The following AGTPBP1 variants were observed in gnomAD, a reference collection of about 807,000 sequenced individuals.
The protein encoded by AGTPBP1 is ATP/GTP binding carboxypeptidase 1.
AGTPBP1 carries 70 observed loss-of-function variants against 143.9 expected under a neutral mutation model. The observed-to-expected ratio is 0.49, with a 90% confidence interval of 0.40 to 0.59. The LOEUF (loss-of-function observed/expected upper bound fraction) is 0.59. Among genes scored for constraint, AGTPBP1 ranks in the 20% least tolerant of loss-of-function variants. The pLI is 0.00. For missense variants in AGTPBP1, 1,229 were observed against 1,464.5 expected, an observed-to-expected ratio of 0.84 and a Z score of 2.62; for synonymous variants, 463 against 500.2, an observed-to-expected ratio of 0.93 and a Z score of 0.99.
intron 25 of AGTPBP1, among the ~76,000 whole-genome samples, chr9:85,555,228 T>C (rs372090226): frequency 4.5e-4 from 69 of 152,292 alleles, no homozygotes; most frequent in African/African-American, 1.6e-3. Flanking sequence ...TCAGCACTCA[T>C]AGCAAAATTG....
chr9:85,739,466 TGGGAGGCCGAGGTG>T (rs1824071961), intron 1 of AGTPBP1, among the ~76,000 whole-genome samples: 1 of 151,766 alleles, frequency 6.6e-6, no homozygotes, highest in African/African-American at 2.4e-5. Flanking sequence ...CCCAGGACTT[TGGGAGGCCGAGGTG>T]GGCAGACCAC....
At position 85,729,963 on chromosome 9, in the gene AGTPBP1, G is replaced by T. The variant is rs928497444; in HGVS notation, c.-34+11812C>A. Among the ~76,000 whole-genome samples, 3 of 152,172 alleles carry T rather than the reference G, an allele frequency of 2.0e-5. No homozygotes were observed. In the East Asian group the frequency reaches 5.8e-4, roughly 29 times the overall value. On this transcript the variant is annotated intron_variant, in intron 1 of 25. Coordinates refer to ENST00000357081, the MANE Select transcript of AGTPBP1 (RefSeq NM_001330701.2). Reference sequence around the variant, plus strand: ...ACTAGCAGGCAGCTGGTGCACACCAGAACAGGCCCAACATGGTTCTACAGC... The same window carrying T: ...ACTAGCAGGCAGCTGGTGCACACCATAACAGGCCCAACATGGTTCTACAGC...
chr9:85,593,478 A>G (rs540922985), intron 18 of AGTPBP1, among the ~76,000 whole-genome samples: 104 of 152,250 alleles, frequency 6.8e-4, no homozygotes, highest in Non-Finnish European at 1.2e-3. Context: ...ACTATAAAAC[A>G]CCATTTAGAG....
At chr9:85,616,221 T>G (rs930054917) in intron 17 of AGTPBP1, among the ~76,000 whole-genome samples, 1 of 151,828 alleles carries the variant, frequency 6.6e-6, no homozygotes, top group African/African-American at 2.4e-5. Context: ...CACTACATAG[T>G]GAGTTTGGAA....
chr9:85,578,981 C>G lies in AGTPBP1; in HGVS notation c.3281G>C (p.Gly1094Ala). The G allele has an allele frequency of 1.2e-6, 2 of 1,613,360 alleles. No homozygotes were observed. Among genetic ancestry groups the G allele is most frequent in the Non-Finnish European group, 1.7e-6 (2 of 1,179,730 alleles). Residue 1094 changes from glycine (G) to alanine (A), a missense_variant, in exon 24 of 26, where the codon GGA becomes GCA. Gly to Ala is a moderately conservative substitution (Grantham distance 60, BLOSUM62 0). Transcript: ENST00000357081. ...TARVVVWREI[G>A]VQRSYTMEST... ...CTCCATGGTATAACTTCTTTGTACT[C>G]CTATTTCCCTCCAAACTACAACACG...
At chr9:85,781,570 C>G in the AGTPBP1 span, among the ~76,000 whole-genome samples, 128 of 152,274 alleles carry the variant, frequency 8.4e-4, no homozygotes, top group African/African-American at 2.9e-3. Flanking sequence ...AGGAAATGAT[C>G]AATTATTGAT....
intron 1 of AGTPBP1, among the ~76,000 whole-genome samples, chr9:85,733,366 G>A (rs1468627723): frequency 3.3e-5 from 5 of 152,078 alleles, no homozygotes; most frequent in South Asian, 2.1e-4. Context: ...ATTAAACAAC[G>A]TACTCTTAAC....
At chr9:85,585,259 A>G (rs910079361) in intron 23 of AGTPBP1, among the ~76,000 whole-genome samples, 2 of 152,250 alleles carry the variant, frequency 1.3e-5, no homozygotes, top group Admixed American at 1.3e-4. Flanking sequence ...CAGAGAAAAC[A>G]GAATTAGATC....
At chr9:85,623,479 G>C (rs1290228293) in intron 14 of AGTPBP1, among the ~76,000 whole-genome samples, 1 of 152,128 alleles carries the variant, frequency 6.6e-6, no homozygotes, top group Non-Finnish European at 1.5e-5. Flanking sequence ...GAGAGGCAGG[G>C]CATGGTGGCT....
chr9:85,708,826 A>G (rs1837187443), intron 2 of AGTPBP1, among the ~76,000 whole-genome samples: 1 of 152,200 alleles, frequency 6.6e-6, no homozygotes, highest in Non-Finnish European at 1.5e-5. Flanking sequence ...GTGAGCCACC[A>G]TGCCCGGCCA....
intron 12 of AGTPBP1, among the ~76,000 whole-genome samples, chr9:85,645,876 T>C (rs1375819536): frequency 6.6e-6 from 1 of 152,198 alleles, no homozygotes; most frequent in Non-Finnish European, 1.5e-5. Flanking sequence ...CTTTTTTCAC[T>C]TCCTTGTTCA....
intron 3 of AGTPBP1, among the ~76,000 whole-genome samples, chr9:85,691,528 A>T (rs1341765101): frequency 1.4e-5 from 2 of 137,950 alleles, no homozygotes; most frequent in Non-Finnish European, 3.0e-5. Context: ...TATCCAAAAA[A>T]AAAAGAGGGT....
At chr9:85,782,222 G>GA in the AGTPBP1 span, among the ~76,000 whole-genome samples, 2 of 152,134 alleles carry the variant, frequency 1.3e-5, no homozygotes, top group Admixed American at 6.6e-5. Context: ...AAATGTAATA[G>GA]AAGTAGAATT....
chr9:85,657,414 A>G (rs1479160239), intron 10 of AGTPBP1, 21 bp downstream of exon 10: 2 of 1,579,448 alleles, frequency 1.3e-6, no homozygotes, highest in Non-Finnish European at 1.7e-6. Flanking sequence ...TAATCACAAT[A>G]ATAAGAAGAA....
chr9:85,775,207 G>A, the AGTPBP1 span, among the ~76,000 whole-genome samples: 120 of 152,068 alleles, frequency 7.9e-4, no homozygotes, highest in Admixed American at 8.5e-4. Context: ...GGGAGGCTGA[G>A]ATGGGAGAAT....
chr9:85,684,140 T>C lies in AGTPBP1; in HGVS notation c.158-2805A>G, dbSNP rs549610316. ...ACATCCATCACCATCTGCCCTGCCA[T>C]AGCCCATAGCTATTTCAACATTTAT... On this transcript the variant is annotated intron_variant, in intron 3 of 25. Transcript: ENST00000357081. 1.1e-4 allele frequency among the ~76,000 whole-genome samples: 17 copies of C among 152,328 alleles called. 1 individual carries two copies. The South Asian group carries it at 1.4e-3, about 13-fold the overall frequency.
Position 85,681,328 on chromosome 9 carries a change from T to C in AGTPBP1, c.165A>G (p.Thr55=), listed in dbSNP as rs750473889. 2.0e-5 allele frequency: 33 copies of C among 1,611,522 alleles called. No homozygotes were observed. Among genetic ancestry groups the C allele is most frequent in the Non-Finnish European group, 2.6e-5 (31 of 1,179,474 alleles). ...AACCTTTGGCTGTCATTTCTCTCCTTGTTTTTTCTGAAAAGTAGCAAACAA... is the reference window on the plus strand; with the variant it reads ...AACCTTTGGCTGTCATTTCTCTCCTCGTTTTTTCTGAAAAGTAGCAAACAA... ...ILHLAQSQEK[T]RREMTAKGST... Residue 55 remains threonine (T), a synonymous_variant, in exon 4 of 26, where the codon ACA becomes ACG. Coordinates refer to ENST00000357081, the MANE Select transcript of AGTPBP1 (RefSeq NM_001330701.2).
At chr9:85,785,073 C>G in the AGTPBP1 span, among the ~76,000 whole-genome samples, 1 of 152,156 alleles carries the variant, frequency 6.6e-6, no homozygotes, top group Non-Finnish European at 1.5e-5. Flanking sequence ...TGGCTCATGC[C>G]TGTAATCCCA....
chr9:85,756,543 G>GATA, the AGTPBP1 span, among the ~76,000 whole-genome samples: 1 of 147,586 alleles, frequency 6.8e-6, no homozygotes, highest in Non-Finnish European at 1.5e-5. Context: ...ATGGATAGAT[G>GATA]GATAGATAGA....
Sources: allele counts gnomAD v4.1 joint callset (sites outside exome capture counted in the v4.1 genomes callset), GRCh38; gene constraint gnomAD v4.1.1; transcripts MANE v1.5; gene names NCBI Gene and HGNC (gene_info 2026-07-23, HGNC 2026-07-21).